The following ZNF10 variants were observed in gnomAD, a reference collection of about 807,000 sequenced individuals.
The protein encoded by ZNF10 is zinc finger protein 10 (KOX 1).
ZNF10 carries 8 observed loss-of-function variants against 12.2 expected under a neutral mutation model. The ratio of observed to expected loss-of-function variants is 0.66; its 90% CI spans 0.39 to 1.18. The LOEUF (loss-of-function observed/expected upper bound fraction) is 1.18, where lower values mean the gene tolerates loss of function less well. ZNF10 is among the 50% of genes most tolerant of loss of function. ZNF10 has a pLI of 0.01. For synonymous variants in ZNF10, 229 were observed against 228.2 expected (o/e 1.00, Z -0.03); for missense variants, 603 against 678.9 (o/e 0.89, Z 1.24).
At chr12:133,135,931 C>G (rs1955908686) in intron 1 of ZNF10, among the ~76,000 whole-genome samples, 1 of 152,236 alleles carries the variant, frequency 6.6e-6, no homozygotes, top group African/African-American at 2.4e-5. Context: ...CTCAGCTTAT[C>G]TTTTGTCAGC....
At position 133,156,220 on chromosome 12, in the gene ZNF10, A is replaced by C; in HGVS notation, c.974A>C (p.Glu325Ala). Residue 325 changes from glutamate to alanine, a missense_variant, in exon 5 of 5, where the codon GAA becomes GCA. Glu to Ala is a moderately radical substitution (Grantham distance 107). Transcript: ENST00000248211. ...GGTGAGGAACCCTATGAATGTAAAG[A>C]ATGTGGAAAATCCTTCAGCTGGTTC... ...HTGEEPYECK[E>A]CGKSFSWFSH... The C allele has an allele frequency of 6.2e-7, 1 of 1,614,124 alleles. No individual in the cohort carries two copies. Among genetic ancestry groups the C allele is most frequent in the South Asian group, 1.1e-5 (1 of 91,076 alleles).
In ZNF10 at chr12:133,143,992, A is replaced by G. The variant is rs533267975; in HGVS notation, c.-59-442A>G. ...GCTGCTGGAGCCTGCCATGTTCCTC[A>G]CACTGCATTCCATCTTCAAGCCAGT... is the stretch of plus-strand genomic sequence containing the variant. On this transcript the variant is annotated intron_variant, in intron 1 of 4. Coordinates refer to ENST00000248211, the MANE Select transcript of ZNF10 (RefSeq NM_015394.5). 4 of 152,682 alleles carry G rather than the reference A, an allele frequency of 2.6e-5. No individual in the cohort carries two copies. The East Asian group carries it at 7.7e-4, about 29-fold the overall frequency. 9.5% of individuals were successfully genotyped at this position (152,682 alleles called of 1,614,324 possible).
chr12:133,143,932 G>A (rs1389379269), intron 1 of ZNF10: 1 of 152,306 alleles, frequency 6.6e-6, no homozygotes, highest in Admixed American at 6.5e-5. Context: ...TGAGGTCCCT[G>A]CTTCCTAGCT....
At chr12:133,144,797 T>C in intron 2 of ZNF10, 1 of 501,066 alleles carries the variant, frequency 2.0e-6, no homozygotes, top group South Asian at 1.7e-5. Flanking sequence ...TAGTGTTACA[T>C]TTAAAATGGA....
Position 133,157,217 on chromosome 12 carries a change from T to C in ZNF10, c.*249T>C, listed in dbSNP as rs1390085358. 6 of 326,380 alleles carry C rather than the reference T, an allele frequency of 1.8e-5. No homozygotes were observed. The highest frequency in any genetic ancestry group is 1.5e-4 in the South Asian group (1 of 6,522). The allele number at this position is 326,380 out of a possible 1,614,324, so 20.2% of individuals were successfully genotyped here. ...TGGCCTGAGAGCATTCTTGACCAAG[T>C]CTTAAATGCTAGAATCTGAGAAGGA... On this transcript the variant is annotated 3_prime_UTR_variant, in exon 5 of 5. Coordinates refer to ENST00000248211, the MANE Select transcript of ZNF10 (RefSeq NM_015394.5).
At chr12:133,139,078 A>G (rs1243261471) in intron 1 of ZNF10, 1 of 152,242 alleles carries the variant, frequency 6.6e-6, no homozygotes, top group East Asian at 1.9e-4. Context: ...AAACAGGGTA[A>G]GGACAGAGAC....
In ZNF10 at chr12:133,155,789, G is replaced by A. The variant is rs1956036174; in HGVS notation, c.543G>A (p.Leu181=). Residue 181 remains leucine, a synonymous_variant, in exon 5 of 5, where the codon CTG becomes CTA. Coordinates refer to ENST00000248211, the MANE Select transcript of ZNF10 (RefSeq NM_015394.5). ...GNCLLPAQLV[L]REYFHKRDSH... ...GTCTTCTTCCTGCTCAGCTAGTACTGAGAGAGTATTTCCATAAACGTGACT... is the reference window on the plus strand; with the variant it reads ...GTCTTCTTCCTGCTCAGCTAGTACTAAGAGAGTATTTCCATAAACGTGACT... 2 of 1,613,856 alleles carry A rather than the reference G, an allele frequency of 1.2e-6. No individual in the cohort carries two copies. Among genetic ancestry groups the A allele is most frequent in the Non-Finnish European group, 1.7e-6 (2 of 1,179,926 alleles).
intron 1 of ZNF10, among the ~76,000 whole-genome samples, chr12:133,140,400 A>G (rs1955938337): frequency 1.4e-5 from 2 of 145,138 alleles, no homozygotes; most frequent in South Asian, 4.5e-4. Flanking sequence ...GAAAAGAAAG[A>G]CACTTGTGTT....
rs779283692 is a variant in ZNF10, at chr12:133,151,895, A to T, written c.247A>T (p.Thr83Ser). 1 of 1,612,888 alleles carries T rather than the reference A, an allele frequency of 6.2e-7. No individual in the cohort carries two copies. The highest frequency in any genetic ancestry group is 8.5e-7 in the Non-Finnish European group (1 of 1,179,144). ...GGTGGAGAGAGAAATTCACCAAGAG[A>T]CCCATCCTGGTGAGGACCAGTCAAG... Reference protein sequence around the residue: ...WLVEREIHQETHPDSETAFEI... With the variant: ...WLVEREIHQESHPDSETAFEI... The change falls in exon 4 of 5, where the codon ACC becomes TCC. Residue 83 changes from threonine (T) to serine (S), a missense_variant. Transcript: ENST00000248211.
At chr12:133,139,769 G>A (rs1015330547) in intron 1 of ZNF10, among the ~76,000 whole-genome samples, 5 of 152,252 alleles carry the variant, frequency 3.3e-5, no homozygotes, top group East Asian at 3.9e-4. Flanking sequence ...CTGGTTGGGC[G>A]CAGTGGCTTA....
At chr12:133,154,315 A>T (rs969876328) in intron 4 of ZNF10, among the ~76,000 whole-genome samples, 2 of 152,212 alleles carry the variant, frequency 1.3e-5, no homozygotes, top group African/African-American at 4.8e-5. Context: ...AGATGGCAGA[A>T]ATTCTAAGAG....
chr12:133,135,478 T>C (rs115646229), intron 1 of ZNF10, among the ~76,000 whole-genome samples: 4,576 of 152,286 alleles, frequency 0.03, 215 homozygotes, highest in African/African-American at 0.1. Context: ...CTTCGTTATA[T>C]GAGCTGAGCC....
At chr12:133,141,896 A>C (rs1955946225) in intron 1 of ZNF10, among the ~76,000 whole-genome samples, 1 of 152,174 alleles carries the variant, frequency 6.6e-6, no homozygotes, top group African/African-American at 2.4e-5. Flanking sequence ...TAATAATCAG[A>C]TTACTCAAAT....
intron 2 of ZNF10, among the ~76,000 whole-genome samples, chr12:133,149,138 C>T (rs1342940213): frequency 6.6e-6 from 1 of 152,020 alleles, no homozygotes; most frequent in African/African-American, 2.4e-5. Context: ...GTTGCCCAGG[C>T]TGGAGTGCAG....
intron 2 of ZNF10, among the ~76,000 whole-genome samples, chr12:133,148,123 C>T (rs1243776596): frequency 6.6e-6 from 1 of 151,832 alleles, no homozygotes; most frequent in Non-Finnish European, 1.5e-5. Flanking sequence ...TCTATTTGTT[C>T]TTTTTTATTT....
At chr12:133,133,618 G>T (rs1955893330) in intron 1 of ZNF10, among the ~76,000 whole-genome samples, 1 of 152,198 alleles carries the variant, frequency 6.6e-6, no homozygotes. Context: ...TAGTGGGAAG[G>T]CGTCACAGCA....
rs937629117 is a variant in ZNF10 at position 133,155,864 on chromosome 12, C to T, written c.618C>T (p.Asp206=). 1.9e-6 allele frequency: 3 copies of T among 1,613,186 alleles called. No homozygotes were observed. The Admixed American group carries it at 5.0e-5, about 27-fold the overall frequency. ...KHDLVLNGHQ[D]SCASNSNECG... is the part of the protein sequence containing the mutation. ...ATTTAGTTCTTAATGGTCATCAGGA[C>T]AGTTGTGCAAGTAACAGTAATGAAT... The change falls in exon 5 of 5, where the codon GAC becomes GAT. Residue 206 remains aspartate, a synonymous_variant. Coordinates refer to ENST00000248211, the MANE Select transcript of ZNF10 (RefSeq NM_015394.5).
chr12:133,141,314 A>G (rs1955943148), intron 1 of ZNF10, among the ~76,000 whole-genome samples: 1 of 152,220 alleles, frequency 6.6e-6, no homozygotes, highest in Non-Finnish European at 1.5e-5. Context: ...TAACATTCAC[A>G]GTATCTGGCA....
intron 2 of ZNF10, among the ~76,000 whole-genome samples, chr12:133,150,067 G>C (rs575460901): frequency 6.6e-6 from 1 of 152,212 alleles, no homozygotes; most frequent in African/African-American, 2.4e-5. Flanking sequence ...AAATGTTACA[G>C]GTCTTTCTTT....
Sources: gnomAD v4.1 joint callset for allele counts (sites outside exome capture counted in the v4.1 genomes callset) on GRCh38, gnomAD v4.1.1 for gene constraint, MANE v1.5 for transcripts, NCBI Gene and HGNC (gene_info 2026-07-23, HGNC 2026-07-21) for gene names.